The following GLMN variants were observed in gnomAD, a reference collection of about 807,000 sequenced individuals.
GLMN encodes glomulin, FKBP associated protein.
GLMN carries 75 observed loss-of-function variants against 87.8 expected under a neutral mutation model. That is an observed-to-expected ratio of 0.85 (90% CI 0.71 to 1.04). The LOEUF (loss-of-function observed/expected upper bound fraction) is 1.04, where lower values mean the gene tolerates loss of function less well. Ranked by LOEUF, GLMN falls within the 50% of genes least tolerant of loss-of-function variation. The probability of loss-of-function intolerance (pLI) is 0.00; values close to 1 mark genes in which losing one functional copy is unlikely to be tolerated. For missense variants in GLMN, 588 were observed against 658.8 expected, an observed-to-expected ratio of 0.89 and a Z score of 1.18; for synonymous variants, 206 against 221.6, an observed-to-expected ratio of 0.93 and a Z score of 0.63.
At chr1:92,253,504 CCTCATA>C (rs1653808674) in intron 16 of GLMN, among the ~76,000 whole-genome samples, 1 of 152,226 alleles carries the variant, frequency 6.6e-6, no homozygotes, top group Non-Finnish European at 1.5e-5. Context: ...TCAACAGCCA[CCTCATA>C]CAGGAGAGCT....
At chr1:92,262,633 T>C (rs571108602) in intron 16 of GLMN, among the ~76,000 whole-genome samples, 1 of 152,328 alleles carries the variant, frequency 6.6e-6, no homozygotes, top group African/African-American at 2.4e-5. Flanking sequence ...CTAAGTGCTT[T>C]CAGCAAGAAA....
chr1:92,302,105 A>C (rs1215391588), upstream of GLMN, among the ~76,000 whole-genome samples: 4 of 152,068 alleles, frequency 2.6e-5, no homozygotes, highest in African/African-American at 9.7e-5. Flanking sequence ...ACATGGTGAA[A>C]CCTCGTTTCT....
At chr1:92,364,791 G>A in the GLMN span, among the ~76,000 whole-genome samples, 1 of 152,064 alleles carries the variant, frequency 6.6e-6, no homozygotes. Flanking sequence ...AGGTCTCCTT[G>A]CCGTGTGTCT....
rs757034430 is a variant in GLMN at position 92,268,012 on chromosome 1, A to G, written c.1009-10T>C. 1.3e-6 allele frequency: 2 copies of G among 1,492,794 alleles called. No homozygotes were observed. The highest frequency in any genetic ancestry group is 3.4e-4 in the Middle Eastern group (2 of 5,838). The allele number at this position is 1,492,794 out of a possible 1,614,324, so 92.5% of individuals were successfully genotyped here. ...TATTCTCCAGCAGCTCCTACAGATT[A>G]AAATATATGCAGATACATATATAGT... On this transcript the variant is annotated splice_polypyrimidine_tract_variant and intron_variant, in intron 10 of 18. Coordinates refer to ENST00000370360, the MANE Select transcript of GLMN (RefSeq NM_053274.3).
intron 14 of GLMN, among the ~76,000 whole-genome samples, 169 bp downstream of exon 14, chr1:92,264,385 T>G (rs1655374225): frequency 6.6e-6 from 1 of 151,406 alleles, no homozygotes; most frequent in Admixed American, 6.6e-5. Flanking sequence ...AATTTCCAAA[T>G]TCAGAGTTTT....
the GLMN span, among the ~76,000 whole-genome samples, chr1:92,353,013 A>G: frequency 6.6e-6 from 1 of 152,202 alleles, no homozygotes; most frequent in Non-Finnish European, 1.5e-5. Flanking sequence ...ATTTTGTAGC[A>G]TGTAACAGTA....
chr1:92,307,264 G>T, the GLMN span: 2 of 1,603,534 alleles, frequency 1.2e-6, no homozygotes, highest in Non-Finnish European at 8.5e-7. Context: ...GTATGGGTTC[G>T]AGAAGAAGAG....
intron 7 of GLMN, among the ~76,000 whole-genome samples, chr1:92,279,292 C>T (rs942703510): frequency 6.6e-6 from 1 of 151,780 alleles, no homozygotes; most frequent in Non-Finnish European, 1.5e-5. Context: ...CCCAACTCTA[C>T]TAAAAATACA....
chr1:92,281,554 G>C (rs1339026272), intron 7 of GLMN, among the ~76,000 whole-genome samples: 3 of 152,078 alleles, frequency 2.0e-5, no homozygotes, highest in Non-Finnish European at 2.9e-5. Context: ...TGAAGAAACT[G>C]CATCAATTAA....
intron 17 of GLMN, among the ~76,000 whole-genome samples, chr1:92,247,403 A>G (rs1652834471): frequency 1.3e-5 from 2 of 152,222 alleles, no homozygotes; most frequent in African/African-American, 2.4e-5. Flanking sequence ...TGTTTTCTTC[A>G]GTATATAATC....
At chr1:92,251,916 C>T (rs1653563567) in intron 16 of GLMN, among the ~76,000 whole-genome samples, 1 of 151,902 alleles carries the variant, frequency 6.6e-6, no homozygotes, top group African/African-American at 2.4e-5. Context: ...CTGCCTCAGC[C>T]TCCAGAGTAG....
chr1:92,329,447 G>A, the GLMN span, among the ~76,000 whole-genome samples: 2 of 152,256 alleles, frequency 1.3e-5, no homozygotes, highest in South Asian at 2.1e-4. Flanking sequence ...CACTCCCACC[G>A]TGCCCCCACA....
At chr1:92,334,129 G>T in the GLMN span, among the ~76,000 whole-genome samples, 1 of 152,130 alleles carries the variant, frequency 6.6e-6, no homozygotes, top group Non-Finnish European at 1.5e-5. Flanking sequence ...ACATGGAAAA[G>T]TGTGTCAGTC....
chr1:92,265,504 G>A (rs1286402032), intron 13 of GLMN, among the ~76,000 whole-genome samples: 3 of 152,146 alleles, frequency 2.0e-5, no homozygotes, highest in Non-Finnish European at 2.9e-5. Context: ...GGCTGGGCAT[G>A]ATGGCTCATG....
At chr1:92,290,446 G>A in intron 4 of GLMN, 140 bp from the exon 5 acceptor site, 1 of 645,932 alleles carries the variant, frequency 1.5e-6, no homozygotes, top group Non-Finnish European at 2.7e-6. Context: ...TTATACAATT[G>A]TTGAAAAAAT....
chr1:92,280,773 A>G (rs906274499), intron 7 of GLMN, among the ~76,000 whole-genome samples: 10 of 152,244 alleles, frequency 6.6e-5, no homozygotes, highest in African/African-American at 1.2e-4. Context: ...AAGCACTTAA[A>G]TGACCTGATG....
intron 7 of GLMN, among the ~76,000 whole-genome samples, chr1:92,278,121 G>A (rs1647513723): frequency 6.6e-6 from 1 of 152,184 alleles, no homozygotes; most frequent in Admixed American, 6.5e-5. Context: ...GGGCAGGGCA[G>A]GGAACTCCAT....
the GLMN span, among the ~76,000 whole-genome samples, chr1:92,313,748 A>G: frequency 1.3e-5 from 2 of 152,188 alleles, no homozygotes; most frequent in African/African-American, 2.4e-5. Flanking sequence ...TCTTCCTCCA[A>G]TATAAGGCTG....
the GLMN span, chr1:92,345,825 T>C: frequency 7.0e-7 from 1 of 1,435,666 alleles, no homozygotes. Context: ...ACTCCTTGGA[T>C]AAATTTTATC....
Sources: allele counts gnomAD v4.1 joint callset (sites outside exome capture counted in the v4.1 genomes callset), GRCh38; gene constraint gnomAD v4.1.1; transcripts MANE v1.5; gene names NCBI Gene and HGNC (gene_info 2026-07-23, HGNC 2026-07-21).